KCNMA1: variants seen among roughly 807,000 people sequenced by gnomAD.
KCNMA1 encodes Calcium-activated potassium channel subunit alpha-1.
In KCNMA1, 29 loss-of-function variants were observed where a neutral mutation model predicts 140.0. The ratio of observed to expected loss-of-function variants is 0.21; its 90% confidence interval spans 0.15 to 0.28. The LOEUF is 0.28. Among genes scored for constraint, KCNMA1 ranks in the 10% least tolerant of loss-of-function variants. The pLI, the probability that KCNMA1 is intolerant of heterozygous loss-of-function variation, is 1.00. For synonymous variants in KCNMA1, 612 were observed against 611.9 expected, an observed-to-expected ratio of 1.00 and a Z score of 0.00; for missense variants, 880 against 1,602.2, an observed-to-expected ratio of 0.55 and a Z score of 7.70.
chr10:76,963,114 T>C (rs1407821968), intron 20 of KCNMA1, among the ~76,000 whole-genome samples: 1 of 152,202 alleles, frequency 6.6e-6, no homozygotes, highest in Non-Finnish European at 1.5e-5. Context: ...AGGACTCATG[T>C]CAGTGGTCAG....
At chr10:77,355,690 GC>G (rs1433751500) in intron 2 of KCNMA1, among the ~76,000 whole-genome samples, 16 of 152,206 alleles carry the variant, frequency 1.1e-4, no homozygotes, top group Non-Finnish European at 2.2e-4. Flanking sequence ...ATCAAGTTTG[GC>G]CTTAAGTCAG....
intron 1 of KCNMA1, among the ~76,000 whole-genome samples, chr10:77,580,235 GC>G (rs1039848970): frequency 1.3e-5 from 2 of 151,942 alleles, no homozygotes; most frequent in Non-Finnish European, 2.9e-5. Context: ...CAAAAAATTA[GC>G]CGGGCGTGGT....
chr10:77,230,133 C>T (rs1331299915), intron 3 of KCNMA1, among the ~76,000 whole-genome samples: 1 of 152,166 alleles, frequency 6.6e-6, no homozygotes, highest in Non-Finnish European at 1.5e-5. Flanking sequence ...AGTACTGATA[C>T]GTGCTACAAC....
intron 27 of KCNMA1, 28 bp downstream of exon 27, chr10:76,889,423 G>A: frequency 7.1e-7 from 1 of 1,402,958 alleles, no homozygotes; most frequent in Non-Finnish European, 1.0e-6. Flanking sequence ...TGATTAGGTG[G>A]GAGGGCAGAG....
In KCNMA1 at chr10:76,887,265, A is replaced by G. The variant is rs764732793; in HGVS notation, c.*1T>C. 12 of 1,613,962 alleles carry G rather than the reference A, an allele frequency of 7.4e-6. No individual in the cohort carries two copies. The highest frequency in any genetic ancestry group is 8.5e-6 in the Non-Finnish European group (10 of 1,179,958). On this transcript the variant is annotated 3_prime_UTR_variant, in exon 28 of 28. Transcript: ENST00000286628. ...TCACACAGTGGCGGTGGATACACATATCAAAGCCGCTCTTCCTGCACGTAC... is the reference window on the plus strand; with the variant it reads ...TCACACAGTGGCGGTGGATACACATGTCAAAGCCGCTCTTCCTGCACGTAC...
chr10:76,932,849 G>T (rs1467845292), intron 23 of KCNMA1, among the ~76,000 whole-genome samples: 1 of 152,138 alleles, frequency 6.6e-6, no homozygotes, highest in Non-Finnish European at 1.5e-5. Context: ...CATGGCCAGG[G>T]AAGCTCTCAG....
intron 5 of KCNMA1, among the ~76,000 whole-genome samples, chr10:77,122,036 T>C (rs1280989718): frequency 2.0e-5 from 3 of 152,212 alleles, no homozygotes; most frequent in Non-Finnish European, 4.4e-5. Flanking sequence ...AGCCCTCCAG[T>C]GCACTGAGTT....
chr10:77,039,187 C>A, intron 15 of KCNMA1: 1 of 352,146 alleles, frequency 2.8e-6, no homozygotes, highest in South Asian at 3.5e-5. Context: ...TTTGTTTTGC[C>A]CTCTTAGAAT....
At chr10:76,939,126 T>C (rs1485017490) in intron 23 of KCNMA1, 1 of 138,046 alleles carries the variant, frequency 7.2e-6, no homozygotes, top group African/African-American at 2.8e-5. Flanking sequence ...TTTTTTTTTT[T>C]TTTTTTTTTT....
rs954745650 is a variant in KCNMA1, at chr10:77,001,395, G to C, written c.2266+12C>G. The C allele has an allele frequency of 2.6e-5, 41 of 1,550,358 alleles. No homozygotes were observed. The highest frequency in any genetic ancestry group is 3.5e-5 in the Non-Finnish European group (40 of 1,145,950). On this transcript the variant is annotated intron_variant, in intron 19 of 27. Transcript: ENST00000286628. ...ACAAACATGGAACTACGTGTGTTGAGGTTAAACTTACAGGCACGGAAACTG... is the reference window on the plus strand; with the variant it reads ...ACAAACATGGAACTACGTGTGTTGACGTTAAACTTACAGGCACGGAAACTG...
chr10:76,912,960 G>A (rs911619671), intron 24 of KCNMA1: 2 of 152,290 alleles, frequency 1.3e-5, no homozygotes, highest in Admixed American at 1.3e-4. Flanking sequence ...ACAGAAAATA[G>A]TGTGATACTC....
At chr10:76,918,642 CAATGT>C (rs1271327994) in intron 23 of KCNMA1, among the ~76,000 whole-genome samples, 1 of 152,080 alleles carries the variant, frequency 6.6e-6, no homozygotes, top group Non-Finnish European at 1.5e-5. Context: ...CTGCTGGCGG[CAATGT>C]AAACTACTAC....
chr10:77,082,605 A>C (rs1383139544), intron 12 of KCNMA1, among the ~76,000 whole-genome samples: 1 of 152,116 alleles, frequency 6.6e-6, no homozygotes, highest in African/African-American at 2.4e-5. Context: ...ATGACAGAAA[A>C]AGGTGTCAAA....
At chr10:77,495,688 G>A (rs1175753963) in intron 1 of KCNMA1, among the ~76,000 whole-genome samples, 2 of 152,198 alleles carry the variant, frequency 1.3e-5, no homozygotes, top group Non-Finnish European at 2.9e-5. Flanking sequence ...GAGCTGGCGT[G>A]TACACAGACA....
intron 1 of KCNMA1, among the ~76,000 whole-genome samples, chr10:77,633,306 C>T (rs957258588): frequency 2.0e-5 from 3 of 151,726 alleles, no homozygotes; most frequent in African/African-American, 4.8e-5. Flanking sequence ...CAGAGCGAGA[C>T]TCCATCTCAA....
chr10:77,343,667 T>C (rs1018752023), intron 2 of KCNMA1, among the ~76,000 whole-genome samples: 1 of 151,990 alleles, frequency 6.6e-6, no homozygotes, highest in Admixed American at 6.6e-5. Context: ...AATGTACAAA[T>C]AAGACAATTT....
chr10:77,280,981 C>G (rs1171571420), intron 2 of KCNMA1, among the ~76,000 whole-genome samples: 1 of 152,138 alleles, frequency 6.6e-6, no homozygotes, highest in Non-Finnish European at 1.5e-5. Context: ...CAGAAATGCT[C>G]AACCTCAAAG....
chr10:77,430,183 C>T (rs1353851461), intron 1 of KCNMA1, among the ~76,000 whole-genome samples: 2 of 152,170 alleles, frequency 1.3e-5, no homozygotes, highest in African/African-American at 2.4e-5. Context: ...CCCCAGGTAG[C>T]CTCTCTCACC....
At chr10:76,973,563 A>G (rs1000346189) in intron 19 of KCNMA1, among the ~76,000 whole-genome samples, 1 of 152,212 alleles carries the variant, frequency 6.6e-6, no homozygotes, top group Admixed American at 6.5e-5. Flanking sequence ...TTTCAATGAC[A>G]TAACCTCCAG....
Sources: allele counts gnomAD v4.1 joint callset (sites outside exome capture counted in the v4.1 genomes callset), GRCh38; gene constraint gnomAD v4.1.1; transcripts MANE v1.5; gene names NCBI Gene and HGNC (gene_info 2026-07-23, HGNC 2026-07-21).